Variants in PCDH11X observed in about 807,000 individuals in gnomAD.
PCDH11X encodes the protein protocadherin 11 X-linked, also known as protocadherin-11 X-linked.
PCDH11X carries 18 observed loss-of-function variants against 53.3 expected under a neutral mutation model. That is an observed-to-expected ratio of 0.34 (90% CI 0.23 to 0.50). The LOEUF is 0.50. Among genes scored for constraint, PCDH11X ranks in the 20% least tolerant of loss-of-function variants. PCDH11X has a pLI of 0.98. For synonymous variants in PCDH11X, 279 were observed against 393.3 expected, an observed-to-expected ratio of 0.71 and a Z score of 3.44; for missense variants, 570 against 1,032.4, an observed-to-expected ratio of 0.55 and a Z score of 6.14.
intron 1 of PCDH11X, among the ~76,000 whole-genome samples, chrX:91,789,200 C>CAAAAAAAAAAAAAA (rs764959497): frequency 4.2e-5 from 2 of 47,227 alleles, no homozygotes; most frequent in African/African-American, 6.9e-5. Context: ...GACTCCGTCT[C>CAAAAAAAAAAAAAA]AAAAAAAAAA....
chrX:91,881,046 T>G (rs189281081), intron 6 of PCDH11X, among the ~76,000 whole-genome samples: 28 of 111,458 alleles, frequency 2.5e-4, no homozygotes. Context: ...TTAATAGATT[T>G]AATGAAGTTA....
chrX:92,160,613 A>T (rs1435688718), intron 6 of PCDH11X, among the ~76,000 whole-genome samples: 1 of 107,027 alleles, frequency 9.3e-6, no homozygotes, highest in African/African-American at 3.4e-5. Context: ...TTGCTGCTAT[A>T]AACATGCATG....
At chrX:92,117,208 G>A (rs35597850) in intron 6 of PCDH11X, among the ~76,000 whole-genome samples, 4 of 108,754 alleles carry the variant, frequency 3.7e-5, no homozygotes, top group Non-Finnish European at 7.6e-5. Flanking sequence ...AGGCCAAGGC[G>A]GGTGGATCAC....
intron 6 of PCDH11X, among the ~76,000 whole-genome samples, chrX:92,102,825 T>C (rs1447135303): frequency 9.0e-6 from 1 of 111,483 alleles, no homozygotes; most frequent in East Asian, 2.8e-4. Flanking sequence ...AACAATTTGG[T>C]TGATAAAGCG....
intron 10 of PCDH11X, among the ~76,000 whole-genome samples, chrX:92,547,998 A>G (rs2074888107): frequency 1.8e-5 from 2 of 110,096 alleles, no homozygotes; most frequent in African/African-American, 6.6e-5. Flanking sequence ...TAGCTTCAAT[A>G]TATGTAAAAG....
intron 6 of PCDH11X, among the ~76,000 whole-genome samples, chrX:92,014,145 G>A (rs1191330923): frequency 9.1e-6 from 1 of 109,655 alleles, no homozygotes; most frequent in Non-Finnish European, 1.9e-5. Context: ...CTGACAAAGG[G>A]CTAATCTCCA....
chrX:92,456,137 C>T (rs1603330625), intron 9 of PCDH11X, among the ~76,000 whole-genome samples: 6 of 111,338 alleles, frequency 5.4e-5, no homozygotes, highest in East Asian at 5.7e-4. Context: ...TCTTAGGGAT[C>T]GGGGATATAT....
chrX:92,392,262 TA>T (rs1213983366), intron 9 of PCDH11X, among the ~76,000 whole-genome samples: 1 of 111,422 alleles, frequency 9.0e-6, no homozygotes, highest in East Asian at 2.8e-4. Context: ...CATTTAGGGC[TA>T]AAAAATTATA....
intron 10 of PCDH11X, among the ~76,000 whole-genome samples, chrX:92,486,313 G>A (rs2073639748): frequency 9.0e-6 from 1 of 111,311 alleles, no homozygotes; most frequent in African/African-American, 3.3e-5. Context: ...CAGGACACAT[G>A]TGACCCTTAT....
At chrX:91,846,032 G>T (rs1602349455) in intron 5 of PCDH11X, among the ~76,000 whole-genome samples, 2 of 110,590 alleles carry the variant, frequency 1.8e-5, no homozygotes, top group East Asian at 5.7e-4. Flanking sequence ...AACTATGTCT[G>T]GTGTTCTACA....
At chrX:91,983,910 G>T (rs1420418428) in intron 6 of PCDH11X, among the ~76,000 whole-genome samples, 13 of 111,522 alleles carry the variant, frequency 1.2e-4, no homozygotes, top group Non-Finnish European at 1.9e-4. Context: ...TATATATGTA[G>T]ACTGTGTTCT....
intron 7 of PCDH11X, among the ~76,000 whole-genome samples, chrX:92,254,104 T>G (rs1363417166): frequency 8.9e-6 from 1 of 112,239 alleles, no homozygotes; most frequent in Non-Finnish European, 1.9e-5. Flanking sequence ...ATGTTCCTAC[T>G]ATACCCAGTT....
At chrX:92,439,600 C>T (rs1317787922) in intron 9 of PCDH11X, among the ~76,000 whole-genome samples, 2 of 110,221 alleles carry the variant, frequency 1.8e-5, no homozygotes, top group East Asian at 2.9e-4. Flanking sequence ...TGTATAAAGA[C>T]ATAAACTATT....
intron 6 of PCDH11X, among the ~76,000 whole-genome samples, chrX:92,195,446 T>C (rs1227773471): frequency 9.0e-6 from 1 of 111,625 alleles, no homozygotes; most frequent in African/African-American, 3.3e-5. Flanking sequence ...TTCTCCCAAA[T>C]TATTCATCTC....
chrX:92,390,222 CT>C (rs939039454), intron 9 of PCDH11X, among the ~76,000 whole-genome samples: 8 of 109,868 alleles, frequency 7.3e-5, no homozygotes, highest in African/African-American at 2.7e-4. Context: ...AACCTCCCCC[CT>C]AAATCATGTT....
intron 8 of PCDH11X, among the ~76,000 whole-genome samples, chrX:92,275,355 T>G (rs959872106): frequency 2.0e-4 from 21 of 107,049 alleles, no homozygotes; most frequent in Non-Finnish European, 3.9e-4. Context: ...TGTGTTTTTA[T>G]GAGAATTATG....
chrX:91,823,536 C>A (rs1474284936), intron 4 of PCDH11X, among the ~76,000 whole-genome samples: 1 of 111,125 alleles, frequency 9.0e-6, no homozygotes, highest in Non-Finnish European at 1.9e-5. Context: ...GGTAGATCTT[C>A]CTCTATCCTT....
chrX:91,997,624 AT>A (rs1387178133), intron 6 of PCDH11X, among the ~76,000 whole-genome samples: 1 of 111,216 alleles, frequency 9.0e-6, no homozygotes, highest in African/African-American at 3.3e-5. Flanking sequence ...GTTTGTTAGT[AT>A]TTTGTTGAAG....
chrX:92,140,044 T>C (rs1603031397), intron 6 of PCDH11X, among the ~76,000 whole-genome samples: 1 of 103,823 alleles, frequency 9.6e-6, no homozygotes, highest in Admixed American at 1.1e-4. Flanking sequence ...TTAACAGATA[T>C]TGTAAAAAAA....
Sources: allele counts gnomAD v4.1 joint callset (sites outside exome capture counted in the v4.1 genomes callset), GRCh38; gene constraint gnomAD v4.1.1; transcripts MANE v1.5; gene names NCBI Gene and HGNC (gene_info 2026-07-23, HGNC 2026-07-21).